RHBG: variants seen among roughly 807,000 people sequenced by gnomAD.
RHBG encodes ammonium transporter Rh type B.
In RHBG, 39 loss-of-function variants were observed where a neutral mutation model predicts 40.1. The observed-to-expected ratio is 0.97, with a 90% CI of 0.75 to 1.27. RHBG has a LOEUF of 1.27. Among genes scored for constraint, RHBG ranks in the 50% most tolerant of loss-of-function variants. The pLI is 0.00. For missense variants in RHBG, 549 were observed against 588.1 expected, an observed-to-expected ratio of 0.93 and a Z score of 0.69; for synonymous variants, 237 against 252.5, an observed-to-expected ratio of 0.94 and a Z score of 0.58.
At position 156,378,303 on chromosome 1, in the gene RHBG, G is replaced by C; in HGVS notation, c.577G>C (p.Gly193Arg). The C allele has an allele frequency of 6.2e-7, 1 of 1,613,992 alleles. No homozygotes were observed. Among genetic ancestry groups the C allele is most frequent in the Non-Finnish European group, 8.5e-7 (1 of 1,180,004 alleles). Residue 193 changes from glycine to arginine, a missense_variant, in exon 4 of 10, where the codon GGG becomes CGG. Physicochemically the swap from Gly to Arg is moderately radical, Grantham distance 125. Coordinates refer to ENST00000537040, the MANE Select transcript of RHBG (RefSeq NM_020407.5). Reference protein sequence around the residue: ...MTIHTFGAYFGLVLSRVLYRP... With the variant: ...MTIHTFGAYFRLVLSRVLYRP... ...TATCCACACCTTTGGTGCCTACTTCGGGCTCGTCCTTTCGCGGGTTCTGTA... is the reference window on the plus strand; with the variant it reads ...TATCCACACCTTTGGTGCCTACTTCCGGCTCGTCCTTTCGCGGGTTCTGTA...
At position 156,377,458 on chromosome 1, in the gene RHBG, CGGT is replaced by C; in HGVS notation, c.348_350del (p.Gly117del). 1 of 1,612,910 alleles carries C rather than the reference CGGT, an allele frequency of 6.2e-7. No individual in the cohort carries two copies. ...TCCAGGGCTTTCTCCACTCCTTCCACGGTGGCCACATCCATGTTGGCGTGGAGA... is the reference window on the plus strand; with the variant it reads ...TCCAGGGCTTTCTCCACTCCTTCCACGGCCACATCCATGTTGGCGTGGAGA... On this transcript the variant is annotated inframe_deletion, in exon 2 of 10. Coordinates refer to ENST00000537040, the MANE Select transcript of RHBG (RefSeq NM_020407.5). The surrounding 1 kb of genome is among the most constrained non-coding windows in gnomAD (Gnocchi z 4.6).
chr1:156,381,686 A>G (rs531912788), intron 5 of RHBG, 120 bp from the exon 6 acceptor site: 3 of 1,425,010 alleles, frequency 2.1e-6, no homozygotes, highest in African/African-American at 1.4e-5. Flanking sequence ...TAGCAGGACA[A>G]TGAGAGGTTA....
rs1300774862 is a variant in RHBG, at chr1:156,381,495, A to C, written c.822A>C (p.Glu274Asp). 4 of 1,611,700 alleles carry C rather than the reference A, an allele frequency of 2.5e-6. No individual in the cohort carries two copies. The Admixed American group carries it at 5.0e-5, about 20-fold the overall frequency. ...GTFALSALVG[E>D]DGRLDMVHIQ... ...TTGCCTTGTCAGCCCTTGTAGGGGA[A>C]GATGGGAGGCTTGACATGGTATGGG... The change falls in exon 5 of 10, where the codon GAA (glutamate) becomes GAC (aspartate). Residue 274 changes from glutamate to aspartate, a missense_variant. Glu to Asp is a conservative substitution (Grantham distance 45). Coordinates refer to ENST00000537040, the MANE Select transcript of RHBG (RefSeq NM_020407.5).
At chr1:156,379,680 C>T (rs1314367641) in intron 4 of RHBG, among the ~76,000 whole-genome samples, 2 of 152,160 alleles carry the variant, frequency 1.3e-5, no homozygotes, top group African/African-American at 2.4e-5. Context: ...CTCCCACAAA[C>T]GCTCCACCTA....
At chr1:156,378,820 G>A (rs567363023) in intron 4 of RHBG, among the ~76,000 whole-genome samples, 2 of 152,124 alleles carry the variant, frequency 1.3e-5, no homozygotes, top group African/African-American at 2.4e-5. Flanking sequence ...AATCTCTGCC[G>A]GCCCCTGGTG....
At chr1:156,378,716 T>A (rs1667402908) in intron 4 of RHBG, among the ~76,000 whole-genome samples, 1 of 152,130 alleles carries the variant, frequency 6.6e-6, no homozygotes, top group East Asian at 1.9e-4. Flanking sequence ...CAGCCCCTCC[T>A]CCTCCCTCCT....
intron 4 of RHBG, among the ~76,000 whole-genome samples, chr1:156,380,725 CAAAAAAAAAAA>C (rs564713959): frequency 1.2e-5 from 1 of 81,996 alleles, no homozygotes; most frequent in Non-Finnish European, 2.2e-5. Flanking sequence ...GACCTTGTCT[CAAAAAAAAAAA>C]AAAAAAAAAA....
At chr1:156,382,323 G>A in intron 7 of RHBG, 122 bp downstream of exon 7, 1 of 1,514,082 alleles carries the variant, frequency 6.6e-7, no homozygotes, top group Non-Finnish European at 9.1e-7. Context: ...TATTCTGGGA[G>A]CAAAGGAAAT....
chr1:156,378,379 C>T lies in RHBG; in HGVS notation c.653C>T (p.Ser218Leu). 6.2e-7 allele frequency: 1 copy of T among 1,606,146 alleles called. No individual in the cohort carries two copies. Among genetic ancestry groups the T allele is most frequent in the African/African-American group, 1.3e-5 (1 of 74,890 alleles). Reference protein sequence around the residue: ...SKHRQGSVYHSDLFAMIGTIF... With the variant: ...SKHRQGSVYHLDLFAMIGTIF... ...CACCGCCAGGGCTCCGTCTACCATT[C>T]AGACCTCTTCGCCATGATTGGTGAG... Residue 218 changes from serine to leucine, a missense_variant, in exon 4 of 10, where the codon TCA (serine) becomes TTA (leucine). Transcript: ENST00000537040.
In RHBG at chr1:156,377,955, C is replaced by G; in HGVS notation, c.375-35C>G. 2 of 1,515,514 alleles carry G rather than the reference C, an allele frequency of 1.3e-6. No homozygotes were observed. The highest frequency in any genetic ancestry group is 1.8e-6 in the Non-Finnish European group (2 of 1,130,004). 93.9% of individuals were successfully genotyped at this position (1,515,514 alleles called of 1,614,324 possible). On this transcript the variant is annotated intron_variant, in intron 2 of 9. Coordinates refer to ENST00000537040, the MANE Select transcript of RHBG (RefSeq NM_020407.5). This position sits in a 1 kb window ranked among gnomAD's most constrained non-coding sequence, Gnocchi z 4.6. Reference sequence around the variant, plus strand: ...GGAACCCCGAGGCCAGCCTCTCTGACCCCTCTTGTGCTCCCACTTCTGCCC... The same window carrying G: ...GGAACCCCGAGGCCAGCCTCTCTGAGCCCTCTTGTGCTCCCACTTCTGCCC...
intron 7 of RHBG, 30 bp downstream of exon 7, chr1:156,382,231 C>T (rs1250574292): frequency 3.7e-6 from 6 of 1,613,842 alleles, no homozygotes; most frequent in South Asian, 2.2e-5. Context: ...GTACTGCAGT[C>T]GTCATCCATC....
intron 1 of RHBG, among the ~76,000 whole-genome samples, chr1:156,370,614 C>CAAAAAAAA (rs59248542): frequency 3.8e-4 from 25 of 66,084 alleles, no homozygotes; most frequent in Non-Finnish European, 6.3e-4. Flanking sequence ...GACTCTGTCT[C>CAAAAAAAA]AAAAAAAAAA....
chr1:156,384,872 G>T lies in RHBG; in HGVS notation c.*27G>T, dbSNP rs942862699. 7 of 1,467,158 alleles carry T rather than the reference G, an allele frequency of 4.8e-6. No homozygotes were observed. The African/African-American group carries it at 8.4e-5, about 18-fold the overall frequency. The allele number at this position is 1,467,158 out of a possible 1,614,324, so 90.9% of individuals were successfully genotyped here. ...CCACTGCCAGCCCCTGAGAGGACAC[G>T]CTCCTTTTCGAAGATGCTGACTGGC... On this transcript the variant is annotated 3_prime_UTR_variant, in exon 10 of 10. Coordinates refer to ENST00000537040, the MANE Select transcript of RHBG (RefSeq NM_020407.5).
Position 156,383,828 on chromosome 1 carries a change from A to ATT in RHBG, c.1235-678_1235-677dup, listed in dbSNP as rs58771195. Among the ~76,000 whole-genome samples the ATT allele has an allele frequency of 4.7e-3, 476 of 101,780 alleles. 8 individuals are homozygous for ATT. The highest frequency in any genetic ancestry group is 8.6e-3 in the Middle Eastern group (1 of 116). The allele number at this position is 101,780 out of a possible 152,430, so 66.8% of individuals were successfully genotyped here. On this transcript the variant is annotated intron_variant, in intron 8 of 9. Coordinates refer to ENST00000537040, the MANE Select transcript of RHBG (RefSeq NM_020407.5). ...AGGCGTGAGCCACTGCGCCCGGCCT[A>ATT]TTTTTTTTTTTTTTTTTTTTTTGAG...
At position 156,382,179 on chromosome 1, in the gene RHBG, AC is replaced by A; in HGVS notation, c.1093del (p.His365MetfsTer15). On this transcript the variant is annotated frameshift_variant, in exon 7 of 10. Coordinates refer to ENST00000537040, the MANE Select transcript of RHBG (RefSeq NM_020407.5). LOFTEE classifies it high-confidence loss of function. ...GGGGGTCCTTGTGGCTGGACTTGCC[AC>A]CCATGAAGCTTACGGAGATGGGTGA... ...LLGVLVAGLA[T>X]HEAYGDGLES... 1 of 1,613,876 alleles carries A rather than the reference AC, an allele frequency of 6.2e-7. No individual in the cohort carries two copies. The highest frequency in any genetic ancestry group is 8.5e-7 in the Non-Finnish European group (1 of 1,179,970).
intron 1 of RHBG, chr1:156,371,164 C>CTTTTTT: frequency 2.6e-6 from 1 of 388,804 alleles, no homozygotes; most frequent in Non-Finnish European, 5.0e-6. Flanking sequence ...TATTTTCTTT[C>CTTTTTT]TTTTTTTTTT....
At chr1:156,374,024 C>T (rs554505363) in intron 1 of RHBG, among the ~76,000 whole-genome samples, 87 of 152,028 alleles carry the variant, frequency 5.7e-4, no homozygotes, top group Admixed American at 1.2e-3. Context: ...AGTCACTCTA[C>T]AGTGCTATAG....
rs181850252 is a variant in RHBG, at chr1:156,370,264, T to C, written c.187+828T>C. Among the ~76,000 whole-genome samples, 5 of 152,118 alleles carry C rather than the reference T, an allele frequency of 3.3e-5. No individual in the cohort carries two copies. The East Asian group carries it at 9.7e-4, about 29-fold the overall frequency. ...GAGTTTGAGACCAGCCTAGCCAACATAGTGAAACTCCCGTCTCTACTAAAA... is the reference window on the plus strand; with the variant it reads ...GAGTTTGAGACCAGCCTAGCCAACACAGTGAAACTCCCGTCTCTACTAAAA... On this transcript the variant is annotated intron_variant, in intron 1 of 9. Coordinates refer to ENST00000537040, the MANE Select transcript of RHBG (RefSeq NM_020407.5).
chr1:156,370,659 A>G lies in RHBG; in HGVS notation c.187+1223A>G, dbSNP rs868596655. 1.7e-4 allele frequency among the ~76,000 whole-genome samples: 25 copies of G among 149,016 alleles called. 1 individual carries two copies. The highest frequency in any genetic ancestry group is 5.9e-4 in the African/African-American group (24 of 40,588). On this transcript the variant is annotated intron_variant, in intron 1 of 9. Transcript: ENST00000537040. ...AAAAAAAGAAAGAAAATGAAGCACC[A>G]TCTACCTGCTAATCACAGAGCAGCA...
Sources: gnomAD v4.1 joint callset for allele counts (sites outside exome capture counted in the v4.1 genomes callset) on GRCh38, gnomAD v4.1.1 for gene constraint, Gnocchi (gnomAD v3.1) non-coding constraint, MANE v1.5 for transcripts, NCBI Gene and HGNC (gene_info 2026-07-23, HGNC 2026-07-21) for gene names.